Variants in FILIP1 observed in about 807,000 individuals in gnomAD.
FILIP1 encodes the protein filamin-A-interacting protein 1.
Under a neutral mutation model 102.1 loss-of-function variants are expected in FILIP1, and 61 were observed. The ratio of observed to expected loss-of-function variants is 0.60; its 90% CI spans 0.49 to 0.74. FILIP1 has a LOEUF of 0.74. FILIP1 is among the 30% of genes least tolerant of loss of function. FILIP1 has a pLI of 0.00. For synonymous variants in FILIP1, 491 were observed against 526.9 expected (o/e 0.93, Z 0.93); for missense variants, 1,314 against 1,441.2 (o/e 0.91, Z 1.43).
At chr6:75,489,840 T>C (rs1779907106) in intron 1 of FILIP1, among the ~76,000 whole-genome samples, 1 of 152,218 alleles carries the variant, frequency 6.6e-6, no homozygotes, top group African/African-American at 2.4e-5. Flanking sequence ...AATGTAAAAA[T>C]GAATTTATAC....
intron 2 of FILIP1, among the ~76,000 whole-genome samples, chr6:75,385,335 T>A (rs1171604312): frequency 1.3e-5 from 2 of 152,132 alleles, no homozygotes; most frequent in African/African-American, 4.8e-5. Flanking sequence ...TTGGCAAAAT[T>A]AATATTTTAA....
intron 1 of FILIP1, among the ~76,000 whole-genome samples, chr6:75,443,556 G>C (rs897675990): frequency 6.6e-6 from 1 of 152,098 alleles, no homozygotes; most frequent in African/African-American, 2.4e-5. Flanking sequence ...CTCATTGGAG[G>C]TTGCAAACTG....
chr6:75,359,089 G>A (rs879522613), intron 3 of FILIP1, among the ~76,000 whole-genome samples: 5 of 151,060 alleles, frequency 3.3e-5, no homozygotes, highest in South Asian at 2.1e-4. Flanking sequence ...TGCAACTGCC[G>A]AGGCCTCCCA....
chr6:75,471,950 G>A (rs1262791133), intron 1 of FILIP1, among the ~76,000 whole-genome samples: 1 of 151,986 alleles, frequency 6.6e-6, no homozygotes, highest in Non-Finnish European at 1.5e-5. Context: ...CATTGGAGAG[G>A]GGAATAATCA....
intron 4 of FILIP1, among the ~76,000 whole-genome samples, chr6:75,342,239 T>C (rs58565946): frequency 0.011 from 1,697 of 152,276 alleles, 38 homozygotes; most frequent in African/African-American, 0.039. Context: ...GAGAAGAAAT[T>C]GACTGCAGTT....
chr6:75,438,405 G>A (rs1156699806), intron 1 of FILIP1, among the ~76,000 whole-genome samples: 1 of 152,080 alleles, frequency 6.6e-6, no homozygotes, highest in Non-Finnish European at 1.5e-5. Flanking sequence ...TGATTAGAAA[G>A]CCTAAGATAA....
intron 2 of FILIP1, among the ~76,000 whole-genome samples, chr6:75,399,940 G>C (rs1174693015): frequency 1.3e-5 from 2 of 152,108 alleles, no homozygotes; most frequent in Non-Finnish European, 2.9e-5. Context: ...AGGGGTTGGA[G>C]ACTTTTAAAG....
At chr6:75,295,838 T>C (rs945642446) in exon 7 of FILIP1, 2 of 1,020,092 alleles carry the variant, frequency 2.0e-6, no homozygotes, top group South Asian at 3.2e-5. Context: ...ACCTTAGTCA[T>C]GATTGAGGGC....
chr6:75,319,233 A>C, intron 4 of FILIP1: 1 of 734,428 alleles, frequency 1.4e-6, no homozygotes. Context: ...CCTTCTTTTC[A>C]TAAGGCTGCT....
chr6:75,488,453 A>G (rs1208219125), intron 1 of FILIP1, among the ~76,000 whole-genome samples: 1 of 152,136 alleles, frequency 6.6e-6, no homozygotes, highest in Non-Finnish European at 1.5e-5. Flanking sequence ...GAAAAAAAAA[A>G]AAACATAATC....
At chr6:75,348,096 C>CACA (rs1243871144) in intron 4 of FILIP1, among the ~76,000 whole-genome samples, 1 of 151,570 alleles carries the variant, frequency 6.6e-6, no homozygotes, top group Non-Finnish European at 1.5e-5. Context: ...CATACACACA[C>CACA]TTTTCCCTCA....
chr6:75,426,137 C>G (rs1777618078), intron 1 of FILIP1, among the ~76,000 whole-genome samples: 1 of 152,038 alleles, frequency 6.6e-6, no homozygotes, highest in Admixed American at 6.6e-5. Flanking sequence ...CTGATCGAGA[C>G]TATGTGACAG....
intron 1 of FILIP1, among the ~76,000 whole-genome samples, chr6:75,431,510 C>T (rs1373312998): frequency 2.0e-5 from 3 of 152,128 alleles, no homozygotes; most frequent in East Asian, 1.9e-4. Context: ...TAGCATGACT[C>T]ACCATCCACA....
chr6:75,382,595 T>A (rs1467748150), intron 2 of FILIP1, among the ~76,000 whole-genome samples: 1 of 152,186 alleles, frequency 6.6e-6, no homozygotes, highest in East Asian at 1.9e-4. Context: ...ATATCTCTTT[T>A]TTTCTCAGGC....
intron 5 of FILIP1, among the ~76,000 whole-genome samples, chr6:75,310,984 T>C (rs1289662527): frequency 6.6e-6 from 1 of 152,196 alleles, no homozygotes; most frequent in African/African-American, 2.4e-5. Flanking sequence ...ATTTAAATTA[T>C]GAGCTTCCTG....
intron 4 of FILIP1, among the ~76,000 whole-genome samples, chr6:75,324,661 A>G (rs1165691559): frequency 1.3e-5 from 2 of 152,212 alleles, no homozygotes; most frequent in Admixed American, 1.3e-4. Flanking sequence ...ACAAATCTAG[A>G]GGCATCAATT....
At chr6:75,471,774 G>GA (rs1779338837) in intron 1 of FILIP1, among the ~76,000 whole-genome samples, 1 of 152,092 alleles carries the variant, frequency 6.6e-6, no homozygotes, top group Non-Finnish European at 1.5e-5. Flanking sequence ...TATGTGTACT[G>GA]AAAAAATGTC....
At chr6:75,306,381 G>A (rs61570087), downstream of FILIP1, among the ~76,000 whole-genome samples, 6,093 of 152,174 alleles carry the variant, frequency 0.04, 394 homozygotes, top group African/African-American at 0.14. Flanking sequence ...AGCAGCAAGC[G>A]GCAATAAGAT....
intron 1 of FILIP1, among the ~76,000 whole-genome samples, chr6:75,450,088 C>T (rs1036523786): frequency 1.3e-5 from 2 of 152,090 alleles, no homozygotes; most frequent in Non-Finnish European, 2.9e-5. Flanking sequence ...TACAGGCGCA[C>T]ACCACTGTGC....
Sources: gnomAD v4.1 joint callset for allele counts (sites outside exome capture counted in the v4.1 genomes callset) on GRCh38, gnomAD v4.1.1 for gene constraint, MANE v1.5 for transcripts, NCBI Gene and HGNC (gene_info 2026-07-23, HGNC 2026-07-21) for gene names.